Variants in VAV2 observed in about 807,000 individuals in gnomAD.
VAV2 encodes the protein guanine nucleotide exchange factor VAV2.
VAV2 carries 67 observed loss-of-function variants against 132.5 expected under a neutral mutation model. The observed-to-expected ratio is 0.51, with a 90% CI of 0.42 to 0.62. VAV2 has a LOEUF of 0.62. Among genes scored for constraint, VAV2 ranks in the 20% least tolerant of loss-of-function variants. The probability of loss-of-function intolerance (pLI) is 0.00; values close to 1 mark genes in which losing one functional copy is unlikely to be tolerated. For synonymous variants in VAV2, 492 were observed against 443.5 expected, an observed-to-expected ratio of 1.11 and a Z score of -1.37; for missense variants, 938 against 1,153.6, an observed-to-expected ratio of 0.81 and a Z score of 2.71.
chr9:133,845,229 C>G (rs1836885965), intron 3 of VAV2, among the ~76,000 whole-genome samples: 1 of 152,242 alleles, frequency 6.6e-6, no homozygotes, highest in African/African-American at 2.4e-5. Context: ...CGTGGACGCG[C>G]TGGGCCAGGC....
chr9:133,900,103 G>A (rs1343511998), intron 2 of VAV2, among the ~76,000 whole-genome samples: 1 of 151,956 alleles, frequency 6.6e-6, no homozygotes, highest in East Asian at 1.9e-4. Context: ...GGAGGCGAAG[G>A]CAGGAAGGAT....
At chr9:133,974,293 A>T (rs949612649) in intron 1 of VAV2, among the ~76,000 whole-genome samples, 3 of 152,070 alleles carry the variant, frequency 2.0e-5, no homozygotes, top group Middle Eastern at 3.2e-3. Flanking sequence ...GGCCCACCAC[A>T]ACTCCAGCTC....
At chr9:133,906,340 G>A (rs540694533) in intron 2 of VAV2, among the ~76,000 whole-genome samples, 8 of 152,324 alleles carry the variant, frequency 5.3e-5, no homozygotes, top group East Asian at 3.9e-4. Flanking sequence ...GGGAGGAATC[G>A]TGGTGTTGAC....
At chr9:133,890,473 G>A (rs1047058570) in intron 2 of VAV2, among the ~76,000 whole-genome samples, 1 of 152,114 alleles carries the variant, frequency 6.6e-6, no homozygotes, top group Non-Finnish European at 1.5e-5. Context: ...GAAAAGTGCC[G>A]AGGGTCAAGG....
intron 1 of VAV2, among the ~76,000 whole-genome samples, chr9:133,981,163 C>A (rs954533300): frequency 6.6e-6 from 1 of 152,168 alleles, no homozygotes; most frequent in Non-Finnish European, 1.5e-5. Context: ...GCAGGTTTTC[C>A]TCACTCATGG....
At position 133,834,988 on chromosome 9, in the gene VAV2, C is replaced by T. The variant is rs1311129210; in HGVS notation, c.381-648G>A. 2.0e-5 allele frequency among the ~76,000 whole-genome samples: 3 copies of T among 152,196 alleles called. No homozygotes were observed. Among genetic ancestry groups the T allele is most frequent in the Non-Finnish European group, 2.9e-5 (2 of 68,032 alleles). ...TCTCCCCAGAAGGAACGCGGCGGTG[C>T]TCCCCCACACTCCGCCCTCCAGATG... On this transcript the variant is annotated intron_variant, in intron 3 of 29. Coordinates refer to ENST00000371850, the MANE Select transcript of VAV2 (RefSeq NM_001134398.2). The surrounding 1 kb of genome is among the most constrained non-coding windows in gnomAD (Gnocchi z 5.9).
At chr9:133,832,067 G>A (rs950130341) in intron 4 of VAV2, among the ~76,000 whole-genome samples, 2 of 152,244 alleles carry the variant, frequency 1.3e-5, no homozygotes, top group African/African-American at 4.8e-5. Flanking sequence ...TGTGGGTACA[G>A]GCATCCTACC....
chr9:133,914,992 G>A (rs528484834), intron 2 of VAV2, among the ~76,000 whole-genome samples: 21 of 152,190 alleles, frequency 1.4e-4, no homozygotes, highest in Non-Finnish European at 1.9e-4. Flanking sequence ...CAGCTCGCAC[G>A]GGGGGAAGGA....
At chr9:133,915,163 T>G (rs1011915350) in intron 2 of VAV2, among the ~76,000 whole-genome samples, 1 of 152,272 alleles carries the variant, frequency 6.6e-6, no homozygotes, top group Non-Finnish European at 1.5e-5. Flanking sequence ...TCTGACGCCT[T>G]GACTCTAGTC....
At chr9:133,852,238 G>T (rs1837217274) in intron 3 of VAV2, among the ~76,000 whole-genome samples, 1 of 151,838 alleles carries the variant, frequency 6.6e-6, no homozygotes, top group African/African-American at 2.4e-5. Context: ...GGCTTGGTGG[G>T]TGCGTGGATG....
At chr9:133,975,502 G>A (rs189454833) in intron 1 of VAV2, among the ~76,000 whole-genome samples, 104 of 152,200 alleles carry the variant, frequency 6.8e-4, no homozygotes, top group African/African-American at 2.2e-3. Flanking sequence ...TTCAAAACAC[G>A]ACATGTATTG....
intron 1 of VAV2, among the ~76,000 whole-genome samples, chr9:133,967,648 T>C (rs1046431127): frequency 6.6e-6 from 1 of 152,170 alleles, no homozygotes; most frequent in African/African-American, 2.4e-5. Context: ...AAATATCATA[T>C]GGGCCGGGTG....
intron 7 of VAV2, 130 bp from the exon 8 acceptor site, chr9:133,807,456 C>G: frequency 1.1e-6 from 1 of 901,724 alleles, no homozygotes; most frequent in African/African-American, 1.7e-5. Flanking sequence ...ACTGGGGTAG[C>G]CTGTGTTCTG....
chr9:133,832,424 C>T (rs184323699), intron 4 of VAV2, among the ~76,000 whole-genome samples: 121 of 152,338 alleles, frequency 7.9e-4, no homozygotes, highest in African/African-American at 2.9e-3. Context: ...AGGGACTTCC[C>T]TCTGGCCATG....
At chr9:133,876,486 G>A (rs1159185282) in intron 2 of VAV2, among the ~76,000 whole-genome samples, 1 of 152,260 alleles carries the variant, frequency 6.6e-6, no homozygotes. Flanking sequence ...GAACGTGCAG[G>A]GGCAGAGCCC....
At chr9:133,975,032 T>G (rs564799668) in intron 1 of VAV2, among the ~76,000 whole-genome samples, 2 of 152,248 alleles carry the variant, frequency 1.3e-5, no homozygotes, top group African/African-American at 4.8e-5. Flanking sequence ...GCGAGTGTGG[T>G]CCATCTCAAG....
At chr9:133,909,062 A>G (rs768652038) in intron 2 of VAV2, among the ~76,000 whole-genome samples, 5 of 152,254 alleles carry the variant, frequency 3.3e-5, no homozygotes, top group African/African-American at 4.8e-5. Flanking sequence ...GAATTACAAA[A>G]CTGCAAAGTA....
chr9:133,873,219 A>G (rs1024730629), intron 2 of VAV2, among the ~76,000 whole-genome samples: 4 of 152,132 alleles, frequency 2.6e-5, no homozygotes, highest in African/African-American at 9.7e-5. Flanking sequence ...GCTGCAATTT[A>G]ATCTGAGATC....
intron 1 of VAV2, among the ~76,000 whole-genome samples, chr9:133,966,576 C>T (rs185086052): frequency 2.6e-5 from 4 of 152,228 alleles, no homozygotes; most frequent in South Asian, 2.1e-4. Flanking sequence ...CGTGGTGGCA[C>T]GCACCTATTG....
Sources: allele counts gnomAD v4.1 joint callset (sites outside exome capture counted in the v4.1 genomes callset), GRCh38; gene constraint gnomAD v4.1.1; non-coding constraint Gnocchi (gnomAD v3.1); transcripts MANE v1.5; gene names NCBI Gene and HGNC (gene_info 2026-07-23, HGNC 2026-07-21).